PCDH9: variants seen among roughly 807,000 people sequenced by gnomAD.
PCDH9 encodes the protein protocadherin 9, also known as protocadherin-9.
Under a neutral mutation model 70.6 loss-of-function variants are expected in PCDH9, and 24 were observed. That is an observed-to-expected ratio of 0.34 (90% CI 0.25 to 0.48). PCDH9 has a LOEUF of 0.48. Ranked by LOEUF, PCDH9 falls within the 20% of genes least tolerant of loss-of-function variation. PCDH9 has a pLI of 0.99. For missense variants in PCDH9, 1,281 were observed against 1,503.6 expected (o/e 0.85, Z 2.45); for synonymous variants, 562 against 558.5 (o/e 1.01, Z -0.09).
intron 3 of PCDH9, among the ~76,000 whole-genome samples, chr13:66,866,917 C>T (rs886928824): frequency 6.6e-6 from 1 of 151,992 alleles, no homozygotes; most frequent in East Asian, 1.9e-4. Context: ...TAAGAAAGCA[C>T]AATTCTTCTA....
chr13:67,039,910 C>T (rs2085079305), intron 2 of PCDH9, among the ~76,000 whole-genome samples: 1 of 151,926 alleles, frequency 6.6e-6, no homozygotes, highest in African/African-American at 2.4e-5. Context: ...TCTGTGCTAA[C>T]TCCGTGTACT....
At chr13:67,011,865 A>G (rs1400593521) in intron 2 of PCDH9, among the ~76,000 whole-genome samples, 1 of 151,792 alleles carries the variant, frequency 6.6e-6, no homozygotes, top group Non-Finnish European at 1.5e-5. Flanking sequence ...ATATCAGTAA[A>G]CCTGTCCTCC....
intron 4 of PCDH9, among the ~76,000 whole-genome samples, chr13:66,547,464 C>T (rs1349363125): frequency 6.6e-6 from 1 of 152,108 alleles, no homozygotes; most frequent in African/African-American, 2.4e-5. Context: ...CATACTCTCC[C>T]ACTGAACCAT....
rs1236407574 is a variant in PCDH9, at chr13:66,895,504, G to A, written c.3138+8000C>T. 1.3e-5 allele frequency among the ~76,000 whole-genome samples: 2 copies of A among 152,152 alleles called. 1 individual carries two copies. The highest frequency in any genetic ancestry group is 3.9e-4 in the East Asian group (2 of 5,182). On this transcript the variant is annotated intron_variant, in intron 3 of 4. Transcript: ENST00000377865. ...ATCGCAATATATTATTCATGACCAT[G>A]TTCTCTGCAAATGTTCAAATACAAG...
intron 4 of PCDH9, among the ~76,000 whole-genome samples, chr13:66,466,644 C>G (rs1016892829): frequency 6.6e-6 from 1 of 152,090 alleles, no homozygotes; most frequent in African/African-American, 2.4e-5. Context: ...ACTTCCATCA[C>G]GTTAATTTAT....
chr13:66,910,637 T>C (rs1044157871), intron 2 of PCDH9, among the ~76,000 whole-genome samples: 1 of 151,624 alleles, frequency 6.6e-6, no homozygotes, highest in Non-Finnish European at 1.5e-5. Context: ...GATAAAACAC[T>C]TTTTTTTTCT....
chr13:66,478,733 G>A (rs1033726783), intron 4 of PCDH9, among the ~76,000 whole-genome samples: 2 of 152,136 alleles, frequency 1.3e-5, no homozygotes, highest in African/African-American at 4.8e-5. Context: ...AGAAAAATTT[G>A]AAGCTAGCAA....
chr13:67,056,836 C>T (rs9599179), intron 2 of PCDH9, among the ~76,000 whole-genome samples: 3,792 of 152,136 alleles, frequency 0.025, 80 homozygotes, highest in Non-Finnish European at 0.034. Context: ...TCATCATCTA[C>T]CACACCATCA....
intron 4 of PCDH9, among the ~76,000 whole-genome samples, chr13:66,469,379 T>C (rs1958573706): frequency 6.6e-6 from 1 of 150,418 alleles, no homozygotes; most frequent in Admixed American, 6.7e-5. Context: ...AAGGCAATTA[T>C]TGTAGGAAGT....
At chr13:67,046,866 C>T (rs1297641458) in intron 2 of PCDH9, among the ~76,000 whole-genome samples, 1 of 151,972 alleles carries the variant, frequency 6.6e-6, no homozygotes. Context: ...GTCAGCTCAG[C>T]TTAAGAAATT....
At chr13:66,570,257 G>A (rs897254994) in intron 4 of PCDH9, among the ~76,000 whole-genome samples, 1 of 152,126 alleles carries the variant, frequency 6.6e-6, no homozygotes, top group African/African-American at 2.4e-5. Context: ...TAGGGATGAG[G>A]AGGGAAATGT....
intron 1 of PCDH9, among the ~76,000 whole-genome samples, chr13:67,228,880 CCT>C (rs1418870615): frequency 1.3e-5 from 2 of 152,164 alleles, no homozygotes; most frequent in Admixed American, 6.5e-5. Context: ...TTCCCCTCCC[CCT>C]GTCTCACCCT....
intron 4 of PCDH9, among the ~76,000 whole-genome samples, chr13:66,555,132 G>GAA (rs980179693): frequency 2.2e-5 from 3 of 139,408 alleles, no homozygotes; most frequent in Non-Finnish European, 4.8e-5. Flanking sequence ...ACACGCCATT[G>GAA]CACTCCAGCC....
rs553068651 is a variant in PCDH9, at chr13:66,805,320, C to T, written c.3138+98184G>A. On this transcript the variant is annotated intron_variant, in intron 3 of 4. Coordinates refer to ENST00000377865, the MANE Select transcript of PCDH9 (RefSeq NM_203487.3). ...CAAGGGAACTAATTCTGCAGTCAAA[C>T]GTATTCAGGATACTTAGTAGCACAA... 3.7e-3 allele frequency among the ~76,000 whole-genome samples: 565 copies of T among 152,192 alleles called. 3 individuals are homozygous for T. The highest frequency in any genetic ancestry group is 0.013 in the African/African-American group (536 of 41,524).
chr13:67,117,126 A>T (rs558068509), intron 2 of PCDH9, among the ~76,000 whole-genome samples: 7 of 152,152 alleles, frequency 4.6e-5, no homozygotes, highest in Non-Finnish European at 1.0e-4. Context: ...TACTGACACT[A>T]ATTGGTGGCA....
chr13:66,652,517 A>G (rs1439330788), intron 3 of PCDH9, among the ~76,000 whole-genome samples: 2 of 152,100 alleles, frequency 1.3e-5, no homozygotes, highest in Admixed American at 6.5e-5. Flanking sequence ...ATGTTCATGA[A>G]TTGGAAGAAT....
At chr13:66,941,118 C>T (rs1170894157) in intron 2 of PCDH9, among the ~76,000 whole-genome samples, 2 of 151,694 alleles carry the variant, frequency 1.3e-5, no homozygotes, top group Non-Finnish European at 2.9e-5. Context: ...AAAATTAGAA[C>T]TTACAGTATT....
intron 2 of PCDH9, among the ~76,000 whole-genome samples, chr13:67,182,446 T>G (rs1322040164): frequency 6.6e-6 from 1 of 152,152 alleles, no homozygotes; most frequent in Non-Finnish European, 1.5e-5. Flanking sequence ...CTTTTTTCGC[T>G]ATATCTTAGT....
intron 4 of PCDH9, among the ~76,000 whole-genome samples, chr13:66,483,669 G>A (rs1958882646): frequency 6.6e-6 from 1 of 152,214 alleles, no homozygotes; most frequent in South Asian, 2.1e-4. Flanking sequence ...GGGAAGGGAA[G>A]AGCATGGTCC....
Sources: gnomAD v4.1 joint callset for allele counts (sites outside exome capture counted in the v4.1 genomes callset) on GRCh38, gnomAD v4.1.1 for gene constraint, MANE v1.5 for transcripts, NCBI Gene and HGNC (gene_info 2026-07-23, HGNC 2026-07-21) for gene names.